Variants in EXOSC4 observed in about 807,000 individuals in gnomAD.
The protein encoded by EXOSC4 is exosome complex component RRP41.
EXOSC4 carries 14 observed loss-of-function variants against 20.0 expected under a neutral mutation model. The ratio of observed to expected loss-of-function variants is 0.70; its 90% CI spans 0.46 to 1.09. The LOEUF is 1.09. Ranked by LOEUF, EXOSC4 falls within the 50% of genes least tolerant of loss-of-function variation. The pLI, the probability that EXOSC4 is intolerant of heterozygous loss-of-function variation, is 0.00. For missense variants in EXOSC4, 337 were observed against 334.0 expected (o/e 1.01, Z -0.07); for synonymous variants, 148 against 146.4 (o/e 1.01, Z -0.08).
upstream of EXOSC4, among the ~76,000 whole-genome samples, chr8:144,074,285 T>C (rs1290532493): frequency 1.3e-5 from 2 of 152,338 alleles, no homozygotes; most frequent in African/African-American, 2.4e-5. Context: ...CCCTGCTGCA[T>C]AGAGCTGGAG....
chr8:144,064,259 G>C, the EXOSC4 span, among the ~76,000 whole-genome samples: 9 of 152,236 alleles, frequency 5.9e-5, no homozygotes, highest in Non-Finnish European at 1.0e-4. Flanking sequence ...GATATGGGAT[G>C]CAGGCTTCCG....
upstream of EXOSC4, among the ~76,000 whole-genome samples, chr8:144,075,037 G>A (rs59204216): frequency 6.6e-6 from 1 of 152,094 alleles, no homozygotes; most frequent in Non-Finnish European, 1.5e-5. Flanking sequence ...TGTGAGAGGA[G>A]AAACTAAATC....
the EXOSC4 span, among the ~76,000 whole-genome samples, chr8:144,071,942 T>C: frequency 2.0e-5 from 3 of 152,142 alleles, no homozygotes; most frequent in Non-Finnish European, 4.4e-5. Flanking sequence ...ATCGTGCCAC[T>C]GCACTGCAGC....
the EXOSC4 span, among the ~76,000 whole-genome samples, chr8:144,064,590 GT>G: frequency 4.6e-5 from 7 of 152,236 alleles, no homozygotes; most frequent in African/African-American, 1.7e-4. Context: ...GGCTGGGCCT[GT>G]TTCTGGGGGC....
In EXOSC4 at chr8:144,078,744, C is replaced by A; in HGVS notation, c.16C>A (p.Leu6Ile). Residue 6 changes from leucine to isoleucine, a missense_variant, in exon 1 of 3, where the codon CTC becomes ATC. Physicochemically the swap from Leu to Ile is conservative, Grantham distance 5. Coordinates refer to ENST00000316052, the MANE Select transcript of EXOSC4 (RefSeq NM_019037.3). The surrounding 1 kb of genome is among the most constrained non-coding windows in gnomAD (Gnocchi z 4.7). MAGLE[L>I]LSDQGYRVDG... ...GCCGGGCAGCATGGCGGGGCTGGAG[C>A]TCTTGTCGGACCAGGGCTACCGGGT... 6.8e-7 allele frequency: 1 copy of A among 1,477,390 alleles called. No homozygotes were observed. 91.5% of individuals were successfully genotyped at this position (1,477,390 alleles called of 1,614,324 possible). A position where few individuals can be genotyped will look rare whatever the true frequency, so the allele number is the denominator to read the frequency against.
chr8:144,079,021 C>A, intron 1 of EXOSC4, 122 bp downstream of exon 1: 1 of 1,121,704 alleles, frequency 8.9e-7, no homozygotes, highest in Non-Finnish European at 1.2e-6. Context: ...ACAGCCGATG[C>A]TCAGCACCGC....
intron 1 of EXOSC4, chr8:144,079,141 T>C: frequency 9.7e-6 from 4 of 413,890 alleles, no homozygotes; most frequent in Non-Finnish European, 1.3e-5. Flanking sequence ...TTCAACGTGC[T>C]AGGCACTCCC....
chr8:144,077,290 A>G (rs1354839040), upstream of EXOSC4, among the ~76,000 whole-genome samples: 3 of 152,188 alleles, frequency 2.0e-5, no homozygotes, highest in Admixed American at 2.0e-4. Context: ...ACGATGACTC[A>G]GTAAGAACAG....
Position 144,080,175 on chromosome 8 carries a change from AGGGAGGGAAGGGTGTGATGGGGTTG to A in EXOSC4, c.378+35_379-34del, listed in dbSNP as rs1554763275. 3 of 1,608,102 alleles carry A rather than the reference AGGGAGGGAAGGGTGTGATGGGGTTG, an allele frequency of 1.9e-6. No homozygotes were observed. The highest frequency in any genetic ancestry group is 2.6e-6 in the Non-Finnish European group (3 of 1,175,716). ...GTGAGCCAGCTGCAGCCGTCAATCC[AGGGAGGGAAGGGTGTGATGGGGTTG>A]GGGAGGGAGTCTGATAGACTGACAC... On this transcript the variant is annotated intron_variant, in intron 2 of 2. Coordinates refer to ENST00000316052, the MANE Select transcript of EXOSC4 (RefSeq NM_019037.3). The surrounding 1 kb of genome is among the most constrained non-coding windows in gnomAD (Gnocchi z 4.9).
At position 144,080,191 on chromosome 8, in the gene EXOSC4, G is replaced by C; in HGVS notation, c.378+42G>C. 1.2e-6 allele frequency: 2 copies of C among 1,608,334 alleles called. No homozygotes were observed. The highest frequency in any genetic ancestry group is 1.7e-6 in the Non-Finnish European group (2 of 1,175,938). ...CGTCAATCCAGGGAGGGAAGGGTGT[G>C]ATGGGGTTGGGGAGGGAGTCTGATA... On this transcript the variant is annotated intron_variant, in intron 2 of 2. Coordinates refer to ENST00000316052, the MANE Select transcript of EXOSC4 (RefSeq NM_019037.3). This position sits in a 1 kb window ranked among gnomAD's most constrained non-coding sequence, Gnocchi z 4.9.
At chr8:144,073,332 G>A in the EXOSC4 span, among the ~76,000 whole-genome samples, 1 of 152,166 alleles carries the variant, frequency 6.6e-6, no homozygotes, top group Non-Finnish European at 1.5e-5. Flanking sequence ...ATTGCAGTGA[G>A]TCAAGATCGC....
Position 144,078,903 on chromosome 8 carries a change from A to C in EXOSC4, c.171+4A>C. 1 of 1,464,934 alleles carries C rather than the reference A, an allele frequency of 6.8e-7. No individual in the cohort carries two copies. Among genetic ancestry groups the C allele is most frequent in the Non-Finnish European group, 9.1e-7 (1 of 1,103,426 alleles). The allele number at this position is 1,464,934 out of a possible 1,614,324, so 90.7% of individuals were successfully genotyped here. On this transcript the variant is annotated splice_donor_region_variant and intron_variant, in intron 1 of 2. Transcript: ENST00000316052. The surrounding 1 kb of genome is among the most constrained non-coding windows in gnomAD (Gnocchi z 4.7). ...TGTGGTCTACGGCCCGCACGAGGCGAGTGGGCGCGCGGGATGGGGAATCGT... is the reference window on the plus strand; with the variant it reads ...TGTGGTCTACGGCCCGCACGAGGCGCGTGGGCGCGCGGGATGGGGAATCGT...
At chr8:144,077,199 T>A (rs1236117264), upstream of EXOSC4, among the ~76,000 whole-genome samples, 1 of 152,084 alleles carries the variant, frequency 6.6e-6, no homozygotes, top group African/African-American at 2.4e-5. Context: ...GCGCTGACAT[T>A]GTGCCACGGC....
chr8:144,068,567 G>A, the EXOSC4 span, among the ~76,000 whole-genome samples: 1 of 152,188 alleles, frequency 6.6e-6, no homozygotes, highest in Non-Finnish European at 1.5e-5. Context: ...CCCCACACAG[G>A]GCAGGACGCC....
At position 144,080,136 on chromosome 8, in the gene EXOSC4, A is replaced by T. The variant is rs781888886; in HGVS notation, c.365A>T (p.Asp122Val). ...CAGCTGCACCCACGCTCCCAGATTGATATCTATGTGCAGGTGAGCCAGCTG... is the reference window on the plus strand; with the variant it reads ...CAGCTGCACCCACGCTCCCAGATTGTTATCTATGTGCAGGTGAGCCAGCTG... ...LTQLHPRSQIDIYVQVLQADG... is the reference protein window; with the variant it reads ...LTQLHPRSQIVIYVQVLQADG... Residue 122 changes from aspartate to valine, a missense_variant, in exon 2 of 3, where the codon GAT becomes GTT. Coordinates refer to ENST00000316052, the MANE Select transcript of EXOSC4 (RefSeq NM_019037.3). This position sits in a 1 kb window ranked among gnomAD's most constrained non-coding sequence, Gnocchi z 4.9. The T allele has an allele frequency of 6.2e-7, 1 of 1,612,430 alleles. No individual in the cohort carries two copies. Among genetic ancestry groups the T allele is most frequent in the Non-Finnish European group, 8.5e-7 (1 of 1,178,702 alleles).
chr8:144,079,670 T>G, intron 1 of EXOSC4: 3 of 619,296 alleles, frequency 4.8e-6, no homozygotes, highest in Non-Finnish European at 9.0e-6. Context: ...GTAGTTAGGA[T>G]TTGAGTGTGT....
At chr8:144,077,085 A>C (rs925014398), upstream of EXOSC4, among the ~76,000 whole-genome samples, 2 of 148,832 alleles carry the variant, frequency 1.3e-5, no homozygotes, top group South Asian at 2.1e-4. Flanking sequence ...AAAAAAAAAA[A>C]CCTTAGCCAG....
the EXOSC4 span, among the ~76,000 whole-genome samples, chr8:144,072,309 T>G: frequency 6.6e-6 from 1 of 152,154 alleles, no homozygotes; most frequent in African/African-American, 2.4e-5. Flanking sequence ...GCCTCCCAAG[T>G]AACTGGGATT....
chr8:144,071,582 C>T, the EXOSC4 span, among the ~76,000 whole-genome samples: 1 of 150,196 alleles, frequency 6.7e-6, no homozygotes, highest in African/African-American at 2.4e-5. Flanking sequence ...AGGCATGAGC[C>T]ACTTCACCCA....
Sources: gnomAD v4.1 joint callset for allele counts (sites outside exome capture counted in the v4.1 genomes callset) on GRCh38, gnomAD v4.1.1 for gene constraint, Gnocchi (gnomAD v3.1) non-coding constraint, MANE v1.5 for transcripts, NCBI Gene and HGNC (gene_info 2026-07-23, HGNC 2026-07-21) for gene names.